The following TCF7L1 variants were observed in gnomAD, a reference collection of about 807,000 sequenced individuals.
TCF7L1 encodes the protein transcription factor 7-like 1.
TCF7L1 carries 18 observed loss-of-function variants against 63.7 expected under a neutral mutation model. The observed-to-expected ratio is 0.28, with a 90% CI of 0.20 to 0.42. The LOEUF (loss-of-function observed/expected upper bound fraction) is 0.42, where lower values mean the gene tolerates loss of function less well. Ranked by LOEUF, TCF7L1 falls within the 10% of genes least tolerant of loss-of-function variation. The pLI, the probability that TCF7L1 is intolerant of heterozygous loss-of-function variation, is 1.00. For missense variants in TCF7L1, 654 were observed against 779.3 expected (o/e 0.84, Z 1.91); for synonymous variants, 355 against 340.9 (o/e 1.04, Z -0.46).
chr2:85,168,761 A>G (rs554259997), intron 3 of TCF7L1, among the ~76,000 whole-genome samples: 1 of 152,208 alleles, frequency 6.6e-6, no homozygotes, highest in South Asian at 2.1e-4. Context: ...AGCTGGGACT[A>G]CAGGCACCCG....
At chr2:85,270,023 G>A (rs1681112373) in intron 3 of TCF7L1, among the ~76,000 whole-genome samples, 1 of 152,202 alleles carries the variant, frequency 6.6e-6, no homozygotes, top group Admixed American at 6.5e-5. Flanking sequence ...ATCTCCCGGT[G>A]CCCAGGAGTT....
intron 3 of TCF7L1, among the ~76,000 whole-genome samples, chr2:85,264,643 G>C (rs1364856847): frequency 2.0e-5 from 3 of 152,182 alleles, no homozygotes; most frequent in African/African-American, 7.2e-5. Context: ...AGGTCAGTCA[G>C]GAAGTGACAG....
intron 3 of TCF7L1, among the ~76,000 whole-genome samples, chr2:85,235,573 A>T (rs1241513903): frequency 6.6e-6 from 1 of 152,050 alleles, no homozygotes; most frequent in Non-Finnish European, 1.5e-5. Flanking sequence ...GCTAATCCCT[A>T]CCTGCAGCCC....
chr2:85,140,060 A>C (rs1024888261), intron 3 of TCF7L1, among the ~76,000 whole-genome samples: 1 of 152,060 alleles, frequency 6.6e-6, no homozygotes, highest in Non-Finnish European at 1.5e-5. Flanking sequence ...GGATGGGAGG[A>C]AATAGGATTC....
intron 3 of TCF7L1, among the ~76,000 whole-genome samples, chr2:85,242,800 C>T (rs1158437738): frequency 6.6e-6 from 1 of 152,194 alleles, no homozygotes; most frequent in Non-Finnish European, 1.5e-5. Flanking sequence ...CAAGAAATCT[C>T]CCCAGGGCCT....
At chr2:85,160,426 T>G (rs1027336223) in intron 3 of TCF7L1, among the ~76,000 whole-genome samples, 1 of 152,186 alleles carries the variant, frequency 6.6e-6, no homozygotes, top group Non-Finnish European at 1.5e-5. Flanking sequence ...GGTTTCACCA[T>G]GTTGGCCAGG....
intron 11 of TCF7L1, among the ~76,000 whole-genome samples, chr2:85,308,417 T>TTCCCTCCCTCCTTTTC (rs1553409306): frequency 4.6e-5 from 3 of 65,062 alleles, no homozygotes; most frequent in Admixed American, 1.7e-4. Context: ...CCCTTTCCCC[T>TTCCCTCCCTCCTTTTC]TCCCTCCCTC....
At chr2:85,200,890 G>A (rs552128689) in intron 3 of TCF7L1, among the ~76,000 whole-genome samples, 1 of 152,224 alleles carries the variant, frequency 6.6e-6, no homozygotes, top group South Asian at 2.1e-4. Context: ...AATAGCAACA[G>A]GAGGTGGCTG....
chr2:85,301,801 T>G (rs909307247), intron 4 of TCF7L1, among the ~76,000 whole-genome samples: 1 of 152,144 alleles, frequency 6.6e-6, no homozygotes, highest in Non-Finnish European at 1.5e-5. Flanking sequence ...GAGCAACTGT[T>G]TCTATGAAGT....
intron 3 of TCF7L1, among the ~76,000 whole-genome samples, chr2:85,208,000 G>A (rs1202395352): frequency 1.3e-5 from 2 of 152,014 alleles, no homozygotes; most frequent in African/African-American, 4.8e-5. Flanking sequence ...TCTGCCTCCC[G>A]GGTTCACGCC....
chr2:85,227,482 G>A (rs1489499083), intron 3 of TCF7L1, among the ~76,000 whole-genome samples: 1 of 149,914 alleles, frequency 6.7e-6, no homozygotes, highest in Non-Finnish European at 1.5e-5. Context: ...GAGAAACAAC[G>A]ATCCTAATTT....
At chr2:85,308,719 C>G (rs1682201901) in intron 11 of TCF7L1, among the ~76,000 whole-genome samples, 1 of 152,066 alleles carries the variant, frequency 6.6e-6, no homozygotes, top group African/African-American at 2.4e-5. Context: ...CCAAAGATTT[C>G]AAAGCAAACT....
chr2:85,140,938 T>C (rs900016315), intron 3 of TCF7L1, among the ~76,000 whole-genome samples: 2 of 151,718 alleles, frequency 1.3e-5, no homozygotes, highest in East Asian at 3.9e-4. Flanking sequence ...AAAGAGAGTG[T>C]CCTTGGTGTT....
intron 3 of TCF7L1, among the ~76,000 whole-genome samples, chr2:85,253,814 T>C (rs774979084): frequency 3.9e-5 from 6 of 152,232 alleles, no homozygotes; most frequent in Non-Finnish European, 5.9e-5. Context: ...ATTATACTAA[T>C]ACCTTTTCAA....
At chr2:85,179,377 T>G (rs1259571677) in intron 3 of TCF7L1, among the ~76,000 whole-genome samples, 1 of 152,040 alleles carries the variant, frequency 6.6e-6, no homozygotes, top group African/African-American at 2.4e-5. Context: ...ATTCCCAGAG[T>G]GTTTGATTCG....
At chr2:85,182,086 G>A (rs1374096087) in intron 3 of TCF7L1, among the ~76,000 whole-genome samples, 1 of 152,154 alleles carries the variant, frequency 6.6e-6, no homozygotes, top group Non-Finnish European at 1.5e-5. Flanking sequence ...CAGGATGGAC[G>A]GGGCGCCTGA....
intron 3 of TCF7L1, among the ~76,000 whole-genome samples, chr2:85,233,348 G>A (rs1339162747): frequency 1.4e-5 from 2 of 143,526 alleles, no homozygotes; most frequent in African/African-American, 5.2e-5. Flanking sequence ...ATGGAGTCTC[G>A]CTCTGTTGCC....
At chr2:85,168,004 CAAACTT>C (rs1678459719) in intron 3 of TCF7L1, among the ~76,000 whole-genome samples, 2 of 152,136 alleles carry the variant, frequency 1.3e-5, no homozygotes, top group African/African-American at 2.4e-5. Flanking sequence ...CGAAAATAGT[CAAACTT>C]AAAGAACGCT....
chr2:85,272,822 A>G (rs984090485), intron 3 of TCF7L1, among the ~76,000 whole-genome samples: 2 of 152,146 alleles, frequency 1.3e-5, no homozygotes, highest in Non-Finnish European at 2.9e-5. Context: ...ATATCAATCA[A>G]TCAATCAATA....
Sources: allele counts gnomAD v4.1 joint callset (sites outside exome capture counted in the v4.1 genomes callset), GRCh38; gene constraint gnomAD v4.1.1; transcripts MANE v1.5; gene names NCBI Gene and HGNC (gene_info 2026-07-23, HGNC 2026-07-21).